Variants in CFAP44 observed in about 807,000 individuals in gnomAD.
CFAP44 encodes the protein cilia- and flagella-associated protein 44.
CFAP44 carries 134 observed loss-of-function variants against 216.2 expected under a neutral mutation model. That is an observed-to-expected ratio of 0.62 (90% confidence interval 0.54 to 0.72). The LOEUF (loss-of-function observed/expected upper bound fraction) is 0.72. Ranked by LOEUF, CFAP44 falls within the 30% of genes least tolerant of loss-of-function variation. CFAP44 has a pLI of 0.00. For synonymous variants in CFAP44, 700 were observed against 727.6 expected (o/e 0.96, Z 0.61); for missense variants, 2,035 against 2,182.1 (o/e 0.93, Z 1.34).
chr3:113,435,045 T>C (rs544218058), intron 1 of CFAP44: 1 of 152,316 alleles, frequency 6.6e-6, no homozygotes, highest in African/African-American at 2.4e-5. Context: ...TCTAAACATT[T>C]GTATTATAAA....
At chr3:113,319,057 T>G in intron 28 of CFAP44, among the ~76,000 whole-genome samples, 1 of 151,910 alleles carries the variant, frequency 6.6e-6, no homozygotes, top group Non-Finnish European at 1.5e-5. Flanking sequence ...GCTAACATCA[T>G]GATGACAGGA....
chr3:113,302,412 T>C (rs1274609539), intron 32 of CFAP44, among the ~76,000 whole-genome samples: 1 of 130,132 alleles, frequency 7.7e-6, no homozygotes, highest in Non-Finnish European at 1.6e-5. Flanking sequence ...AAAATTACTA[T>C]ATTAAGATTT....
chr3:113,352,674 G>A (rs73235070), intron 22 of CFAP44, among the ~76,000 whole-genome samples: 3,625 of 152,096 alleles, frequency 0.024, 68 homozygotes, highest in African/African-American at 0.046. Context: ...AAAATAATGT[G>A]GGAAATAAAC....
chr3:113,409,386 G>T lies in CFAP44; in HGVS notation c.674-64C>A. ...TTTATTTCATTTTCAAAAACATATT[G>T]TAAAAAAAAGAGAGGGAGTCAGCCC... On this transcript the variant is annotated intron_variant, in intron 6 of 34. Coordinates refer to ENST00000393845, the MANE Select transcript of CFAP44 (RefSeq NM_001164496.2). The T allele has an allele frequency of 2.7e-6, 4 of 1,458,568 alleles. No individual in the cohort carries two copies. The South Asian group carries it at 4.8e-5, about 17-fold the overall frequency. The allele number at this position is 1,458,568 out of a possible 1,614,324, so 90.4% of individuals were successfully genotyped here.
At chr3:113,338,007 A>C (rs1950295153) in intron 24 of CFAP44, among the ~76,000 whole-genome samples, 1 of 152,058 alleles carries the variant, frequency 6.6e-6, no homozygotes, top group Non-Finnish European at 1.5e-5. Context: ...TCACACCTGT[A>C]TTCCCAGCAC....
rs531518489 is a variant in CFAP44 at position 113,380,895 on chromosome 3, A to G, written c.2052+4T>C. On this transcript the variant is annotated splice_donor_region_variant and intron_variant, in intron 16 of 34. Transcript: ENST00000393845. ...TAAGATAATGCTTCAGGAATATTCC[A>G]TACCAGAATCTTAGATTTGACACTT... 2 of 1,567,794 alleles carry G rather than the reference A, an allele frequency of 1.3e-6. No individual in the cohort carries two copies. Among genetic ancestry groups the G allele is most frequent in the East Asian group, 2.3e-5 (1 of 43,336 alleles).
chr3:113,293,500 G>C (rs140627216), intron 34 of CFAP44, among the ~76,000 whole-genome samples: 11 of 152,186 alleles, frequency 7.2e-5, no homozygotes, highest in Admixed American at 7.2e-4. Context: ...TGTGTAAAGA[G>C]ACAGATAACT....
chr3:113,418,713 GT>G (rs957206066), intron 5 of CFAP44, among the ~76,000 whole-genome samples: 40 of 147,944 alleles, frequency 2.7e-4, no homozygotes, highest in African/African-American at 7.4e-4. Context: ...TGTTTTTTGG[GT>G]TTTTTTTTTG....
At chr3:113,365,656 T>C (rs1159771747) in intron 19 of CFAP44, among the ~76,000 whole-genome samples, 1 of 152,110 alleles carries the variant, frequency 6.6e-6, no homozygotes, top group Non-Finnish European at 1.5e-5. Context: ...AACCACACTT[T>C]ATGGCATATG....
At chr3:113,367,446 G>A (rs1243512766) in intron 18 of CFAP44, among the ~76,000 whole-genome samples, 1 of 152,208 alleles carries the variant, frequency 6.6e-6, no homozygotes, top group African/African-American at 2.4e-5. Context: ...AACAGGGCCT[G>A]GAGTGGACCT....
intron 32 of CFAP44, among the ~76,000 whole-genome samples, chr3:113,297,733 G>T (rs186756243): frequency 2.6e-5 from 4 of 152,110 alleles, no homozygotes; most frequent in Non-Finnish European, 5.9e-5. Flanking sequence ...CCCAATGTGA[G>T]AACACTAGAA....
rs1198851442 is a variant in CFAP44, at chr3:113,327,625, C to A, written c.4311G>T (p.Gln1437His). 2 of 1,536,770 alleles carry A rather than the reference C, an allele frequency of 1.3e-6. No homozygotes were observed. The highest frequency in any genetic ancestry group is 2.0e-5 in the Admixed American group (1 of 51,000). Residue 1437 changes from glutamine to histidine, a missense_variant, in exon 27 of 35, where the codon CAG (glutamine) becomes CAT (histidine). Physicochemically the swap from Gln to His is conservative, Grantham distance 24 (BLOSUM62 0). This residue lies in a region of CFAP44 where 1,883 missense variants were observed against 2,023.7 expected (regional missense o/e 0.93). Coordinates refer to ENST00000393845, the MANE Select transcript of CFAP44 (RefSeq NM_001164496.2). ...TTCTGCCCACTCATACTTGCATGTA[C>A]TGTTCCTCTTTGTCTAAGGAATTAA... is the stretch of plus-strand genomic sequence containing the variant. ...ERVNSLDKEE[Q>H]YMQWKINETL...
At chr3:113,318,967 C>CAA (rs200623858) in intron 28 of CFAP44, among the ~76,000 whole-genome samples, 14 of 141,878 alleles carry the variant, frequency 9.9e-5, no homozygotes, top group African/African-American at 3.3e-4. Context: ...CAAAAAAAAA[C>CAA]AAAAAAAAAA....
At chr3:113,294,550 G>A (rs898010756) in intron 34 of CFAP44, 137 bp downstream of exon 34, 15 of 1,147,020 alleles carry the variant, frequency 1.3e-5, no homozygotes, top group East Asian at 8.1e-5. Context: ...CAGTGTCCTC[G>A]GGGACGCAGA....
chr3:113,288,769 A>G lies in CFAP44; in HGVS notation c.*2788T>C, dbSNP rs554494113. The G allele has an allele frequency of 2.0e-5, 3 of 152,246 alleles. No individual in the cohort carries two copies. Among genetic ancestry groups the G allele is most frequent in the African/African-American group, 7.2e-5 (3 of 41,498 alleles). 9.4% of individuals were successfully genotyped at this position (152,246 alleles called of 1,614,324 possible). A position where few individuals can be genotyped will look rare whatever the true frequency, so the allele number is the denominator to read the frequency against. ...GAGAAATTTAGCACATGGCTCACAG[A>G]CCTCCCTAAGCTGGGGAGCCCGCTG... On this transcript the variant is annotated 3_prime_UTR_variant, in exon 35 of 35. Transcript: ENST00000393845.
At chr3:113,327,120 T>A (rs1950195799) in intron 27 of CFAP44, among the ~76,000 whole-genome samples, 2 of 152,166 alleles carry the variant, frequency 1.3e-5, no homozygotes, top group African/African-American at 4.8e-5. Flanking sequence ...AAAGCTAGTA[T>A]AATTTATTTT....
intron 2 of CFAP44, among the ~76,000 whole-genome samples, chr3:113,430,710 T>C (rs1935085148): frequency 6.6e-6 from 1 of 152,086 alleles, no homozygotes; most frequent in South Asian, 2.1e-4. Flanking sequence ...TGGTTAAAAT[T>C]TTCCCACTCA....
Position 113,401,757 on chromosome 3 carries a change from A to C in CFAP44, c.1171-18T>G. 5 of 1,587,634 alleles carry C rather than the reference A, an allele frequency of 3.1e-6. No individual in the cohort carries two copies. The highest frequency in any genetic ancestry group is 4.3e-6 in the Non-Finnish European group (5 of 1,169,124). Reference sequence around the variant, plus strand: ...TCCCATATCTTGTAAAATGAAAAGAAAATACTTTAATCGATCAGTAGTTTC... The same window carrying C: ...TCCCATATCTTGTAAAATGAAAAGACAATACTTTAATCGATCAGTAGTTTC... On this transcript the variant is annotated intron_variant, in intron 9 of 34. Coordinates refer to ENST00000393845, the MANE Select transcript of CFAP44 (RefSeq NM_001164496.2).
At chr3:113,355,721 T>C (rs926919936) in intron 22 of CFAP44, among the ~76,000 whole-genome samples, 1 of 151,848 alleles carries the variant, frequency 6.6e-6, no homozygotes, top group Non-Finnish European at 1.5e-5. Flanking sequence ...TGTATACCTA[T>C]GTACCAAACC....
Sources: gnomAD v4.1 joint callset for allele counts (sites outside exome capture counted in the v4.1 genomes callset) on GRCh38, gnomAD v4.1.1 for gene constraint, gnomAD v4.1.1 regional missense constraint, MANE v1.5 for transcripts, NCBI Gene and HGNC (gene_info 2026-07-23, HGNC 2026-07-21) for gene names.